The following PACS1 variants were observed in gnomAD, a reference collection of about 807,000 sequenced individuals.
PACS1 encodes phosphofurin acidic cluster sorting protein 1, also known as PACS-1.
In PACS1, 24 loss-of-function variants were observed where a neutral mutation model predicts 115.0. The observed-to-expected ratio is 0.21, with a 90% confidence interval of 0.15 to 0.29. The LOEUF is 0.29. Among genes scored for constraint, PACS1 ranks in the 10% least tolerant of loss-of-function variants. The probability of loss-of-function intolerance (pLI) is 1.00; values close to 1 mark genes in which losing one functional copy is unlikely to be tolerated. For missense variants in PACS1, 838 were observed against 1,251.2 expected, an observed-to-expected ratio of 0.67 and a Z score of 4.98; for synonymous variants, 453 against 504.5, an observed-to-expected ratio of 0.90 and a Z score of 1.37.
intron 2 of PACS1, among the ~76,000 whole-genome samples, chr11:66,198,571 T>C (rs1854700140): frequency 6.6e-6 from 1 of 151,866 alleles, no homozygotes; most frequent in Non-Finnish European, 1.5e-5. Context: ...AGGAAATAGA[T>C]TGTAGTTGCC....
intron 1 of PACS1, among the ~76,000 whole-genome samples, chr11:66,072,009 C>T (rs1213115956): frequency 2.0e-5 from 3 of 152,274 alleles, no homozygotes; most frequent in African/African-American, 2.4e-5. Flanking sequence ...TCCCCTCTTC[C>T]TTCTACAAAG....
chr11:66,223,395 A>ATTTT (rs35595274), intron 10 of PACS1, among the ~76,000 whole-genome samples: 1 of 148,038 alleles, frequency 6.8e-6, no homozygotes, highest in African/African-American at 2.5e-5. Flanking sequence ...TGCCCGGCCT[A>ATTTT]TTTTTTTTTT....
In PACS1 at chr11:66,241,452, G is replaced by A. The variant is rs751764319; in HGVS notation, c.2455G>A (p.Val819Met). 5.6e-6 allele frequency: 9 copies of A among 1,605,490 alleles called. No homozygotes were observed. Among genetic ancestry groups the A allele is most frequent in the East Asian group, 4.5e-5 (2 of 44,654 alleles). The change falls in exon 22 of 24, where the codon GTG becomes ATG. Residue 819 changes from valine to methionine, a missense_variant. Transcript: ENST00000320580. ...VGSPNSPYGDVIGLQVDYWLG... is the reference protein window; with the variant it reads ...VGSPNSPYGDMIGLQVDYWLG... ...GAGCCCTAATAGCCCATATGGGGAC[G>A]TGATTGGCCTCCAGGTGGACTACTG...
chr11:66,145,708 G>A (rs1859107133), intron 1 of PACS1, among the ~76,000 whole-genome samples: 2 of 152,282 alleles, frequency 1.3e-5, no homozygotes, highest in South Asian at 4.1e-4. Context: ...AGGAAAAGTG[G>A]GATAGACCTG....
chr11:66,237,966 T>C, intron 19 of PACS1: 1 of 703,560 alleles, frequency 1.4e-6, no homozygotes, highest in South Asian at 6.3e-5. Context: ...CCCATCAGGG[T>C]CCAGCCCTCT....
intron 1 of PACS1, among the ~76,000 whole-genome samples, chr11:66,090,526 C>T (rs1282061674): frequency 6.6e-6 from 1 of 152,074 alleles, no homozygotes; most frequent in Non-Finnish European, 1.5e-5. Flanking sequence ...GCTTCAGCCT[C>T]CCAAAGTGCT....
intron 1 of PACS1, among the ~76,000 whole-genome samples, chr11:66,080,388 G>A (rs1056947763): frequency 3.9e-5 from 6 of 152,106 alleles, no homozygotes; most frequent in African/African-American, 1.4e-4. Flanking sequence ...AGCGAGTAGG[G>A]TCACAAAGAA....
At chr11:66,191,082 G>C (rs1338505487) in intron 1 of PACS1, among the ~76,000 whole-genome samples, 2 of 152,208 alleles carry the variant, frequency 1.3e-5, no homozygotes, top group Non-Finnish European at 2.9e-5. Flanking sequence ...TGGGCAGCAC[G>C]GAAGGTGTGG....
intron 1 of PACS1, among the ~76,000 whole-genome samples, chr11:66,085,414 AGAG>A (rs1365197079): frequency 6.6e-6 from 1 of 152,226 alleles, no homozygotes; most frequent in Non-Finnish European, 1.5e-5. Context: ...CAAAGGACTC[AGAG>A]TTTGCAGTTT....
At chr11:66,118,255 G>A (rs1249893855) in intron 1 of PACS1, among the ~76,000 whole-genome samples, 1 of 152,196 alleles carries the variant, frequency 6.6e-6, no homozygotes, top group African/African-American at 2.4e-5. Context: ...CCTGTTATGT[G>A]TATGCCATTG....
intron 2 of PACS1, among the ~76,000 whole-genome samples, chr11:66,196,800 G>A (rs575918860): frequency 8.5e-5 from 13 of 152,244 alleles, no homozygotes; most frequent in Admixed American, 7.2e-4. Flanking sequence ...GTTTTACCAT[G>A]TTGGCCAGGT....
At chr11:66,201,175 C>T (rs1031999006) in intron 2 of PACS1, among the ~76,000 whole-genome samples, 3 of 151,736 alleles carry the variant, frequency 2.0e-5, no homozygotes, top group Non-Finnish European at 2.9e-5. Context: ...GCGGAGATTG[C>T]GCCACTGCAC....
intron 1 of PACS1, among the ~76,000 whole-genome samples, chr11:66,145,176 G>A (rs915895683): frequency 6.6e-6 from 1 of 152,156 alleles, no homozygotes; most frequent in African/African-American, 2.4e-5. Context: ...GAAAGAAATG[G>A]AGAAGCATTT....
At chr11:66,197,730 T>C (rs1854680884) in intron 2 of PACS1, among the ~76,000 whole-genome samples, 1 of 152,050 alleles carries the variant, frequency 6.6e-6, no homozygotes, top group South Asian at 2.1e-4. Context: ...AGTTCAAGTT[T>C]ACAATGAGTT....
chr11:66,170,800 G>C (rs1859717425), intron 1 of PACS1, among the ~76,000 whole-genome samples: 1 of 147,896 alleles, frequency 6.8e-6, no homozygotes, highest in Non-Finnish European at 1.5e-5. Context: ...AAAATTTGCA[G>C]GGTGTGGTGG....
intron 2 of PACS1, among the ~76,000 whole-genome samples, chr11:66,193,894 T>TGGTTTCAGTCTTAGTC (rs1374687335): frequency 6.6e-6 from 1 of 152,234 alleles, no homozygotes; most frequent in East Asian, 1.9e-4. Context: ...TGGCTAGCTT[T>TGGTTTCAGTCTTAGTC]GGTTTCAGTC....
At chr11:66,172,340 T>C (rs1859759179) in intron 1 of PACS1, among the ~76,000 whole-genome samples, 1 of 152,220 alleles carries the variant, frequency 6.6e-6, no homozygotes, top group Admixed American at 6.5e-5. Context: ...CATTGGAACG[T>C]TGCAGCAGTG....
At chr11:66,207,711 A>C (rs958176363) in intron 2 of PACS1, among the ~76,000 whole-genome samples, 3 of 151,802 alleles carry the variant, frequency 2.0e-5, no homozygotes, top group African/African-American at 7.3e-5. Context: ...CTGTTTTTTG[A>C]GACAGAGTCT....
rs771225386 is a variant in PACS1 at position 66,242,991 on chromosome 11, C to T, written c.2736C>T (p.Arg912=). The T allele has an allele frequency of 2.5e-6, 4 of 1,613,946 alleles. No individual in the cohort carries two copies. Among genetic ancestry groups the T allele is most frequent in the South Asian group, 2.2e-5 (2 of 91,062 alleles). The part of the protein sequence containing the change: ...SKSQVIEGIS[R]LICSAKQQQT... The stretch of plus-strand genomic sequence containing the variant: ...GCCAGGTCATTGAAGGCATCAGCCG[C>T]CTCATCTGCTCAGCCAAGCAGCAGC... The change falls in exon 23 of 24, where the codon CGC becomes CGT. Residue 912 remains arginine, a synonymous_variant. Transcript: ENST00000320580.
Sources: gnomAD v4.1 joint callset for allele counts (sites outside exome capture counted in the v4.1 genomes callset) on GRCh38, gnomAD v4.1.1 for gene constraint, MANE v1.5 for transcripts, NCBI Gene and HGNC (gene_info 2026-07-23, HGNC 2026-07-21) for gene names.